The following TLL2 variants were observed in gnomAD, a reference collection of about 807,000 sequenced individuals.
TLL2 encodes tolloid-like protein 2.
In TLL2, 106 loss-of-function variants were observed where a neutral mutation model predicts 123.0. The observed-to-expected ratio is 0.86, with a 90% CI of 0.74 to 1.01. The LOEUF is 1.01. Among genes scored for constraint, TLL2 ranks in the 50% least tolerant of loss-of-function variants. The pLI, the probability that TLL2 is intolerant of heterozygous loss-of-function variation, is 0.00. For missense variants in TLL2, 1,332 were observed against 1,336.7 expected (o/e 1.00, Z 0.06); for synonymous variants, 494 against 516.8 (o/e 0.96, Z 0.60).
intron 1 of TLL2, among the ~76,000 whole-genome samples, chr10:96,499,479 T>TG (rs1847510659): frequency 6.6e-6 from 1 of 152,242 alleles, no homozygotes; most frequent in Non-Finnish European, 1.5e-5. Context: ...TTCTAATTAC[T>TG]GTTCAAATTA....
At chr10:96,406,467 G>T (rs926014785) in intron 9 of TLL2, among the ~76,000 whole-genome samples, 1 of 152,026 alleles carries the variant, frequency 6.6e-6, no homozygotes, top group African/African-American at 2.4e-5. Context: ...GGAGGACTTT[G>T]CTCTCAGCAG....
intron 9 of TLL2, among the ~76,000 whole-genome samples, chr10:96,407,270 T>TC (rs1295428281): frequency 1.3e-5 from 2 of 151,900 alleles, no homozygotes; most frequent in Non-Finnish European, 2.9e-5. Flanking sequence ...TGCTCAAGTG[T>TC]CCCCCTCCTC....
chr10:96,382,699 A>G (rs941704453), intron 16 of TLL2, among the ~76,000 whole-genome samples: 11 of 152,138 alleles, frequency 7.2e-5, no homozygotes, highest in African/African-American at 2.7e-4. Flanking sequence ...GGTGCCTTTC[A>G]CCTTGTTATG....
rs555941180 is a variant in TLL2, at chr10:96,428,830, G to A, written c.521-82C>T. 10 of 963,518 alleles carry A rather than the reference G, an allele frequency of 1.0e-5. No homozygotes were observed. In the South Asian group the frequency reaches 1.5e-4, roughly 15 times the overall value. 59.7% of individuals were successfully genotyped at this position (963,518 alleles called of 1,614,324 possible). On this transcript the variant is annotated intron_variant, in intron 4 of 20. Coordinates refer to ENST00000357947, the MANE Select transcript of TLL2 (RefSeq NM_012465.4). ...GCTTTTTTTTTTCTTTCAAGACGGA[G>A]TTTTGCCTTTGTTGCCCAGGCTGGA...
In TLL2 at chr10:96,419,929, T is replaced by C. The variant is rs546500967; in HGVS notation, c.923+1027A>G. Among the ~76,000 whole-genome samples, 7 of 152,228 alleles carry C rather than the reference T, an allele frequency of 4.6e-5. 1 individual carries two copies. The South Asian group carries it at 1.4e-3, about 32-fold the overall frequency. On this transcript the variant is annotated intron_variant, in intron 7 of 20. Transcript: ENST00000357947. ...GACTGCTAGGAAGCACAGGGCAGGA[T>C]TTGCTGCCAACTCTAACCAAGTGTA...
intron 8 of TLL2, 128 bp from the exon 9 acceptor site, chr10:96,410,602 A>T (rs770660037): frequency 3.2e-5 from 24 of 746,124 alleles, no homozygotes; most frequent in Non-Finnish European, 5.3e-5. Context: ...GTTGGTGAGA[A>T]GTGTAGCAAG....
At position 96,370,343 on chromosome 10, in the gene TLL2, C is replaced by A. The variant is rs895472776; in HGVS notation, c.2663-28G>T. The A allele has an allele frequency of 6.5e-6, 10 of 1,535,882 alleles. No homozygotes were observed. The Admixed American group carries it at 9.7e-5, about 15-fold the overall frequency. ...GGAGCAGAGAGAAGTGAGATGTCCC[C>A]TCAGCACAAGACACCCTCGTGCCTC... is the stretch of plus-strand genomic sequence containing the variant. On this transcript the variant is annotated intron_variant, in intron 19 of 20. Transcript: ENST00000357947.
chr10:96,410,517 C>G, intron 8 of TLL2, 43 bp from the exon 9 acceptor site: 1 of 1,526,056 alleles, frequency 6.6e-7, no homozygotes, highest in South Asian at 1.1e-5. Flanking sequence ...ATATGCACCT[C>G]TCCCCGCCCA....
intron 1 of TLL2, among the ~76,000 whole-genome samples, chr10:96,496,213 C>T (rs1032900137): frequency 6.6e-6 from 1 of 152,176 alleles, no homozygotes; most frequent in Non-Finnish European, 1.5e-5. Flanking sequence ...CTCTCCTGTC[C>T]ATTGAGCCTG....
At chr10:96,496,415 G>C (rs973678002) in intron 1 of TLL2, among the ~76,000 whole-genome samples, 1 of 152,096 alleles carries the variant, frequency 6.6e-6, no homozygotes, top group Non-Finnish European at 1.5e-5. Context: ...GGTCAGTCAG[G>C]ACCTAGGAGA....
At chr10:96,445,540 C>T (rs564704534) in intron 3 of TLL2, among the ~76,000 whole-genome samples, 6 of 152,210 alleles carry the variant, frequency 3.9e-5, no homozygotes, top group Non-Finnish European at 8.8e-5. Context: ...ACACCTCCCC[C>T]ACAATCCCCA....
In TLL2 at chr10:96,410,370, G is replaced by A; in HGVS notation, c.1153C>T (p.Pro385Ser). Residue 385 changes from proline (P) to serine (S), a missense_variant, in exon 9 of 21, where the codon CCA becomes TCA. Pro to Ser is a moderately conservative substitution (Grantham distance 74). Coordinates refer to ENST00000357947, the MANE Select transcript of TLL2 (RefSeq NM_012465.4). Reference protein sequence around the residue: ...SHCVWRISVTPGEKIVLNFTS... With the variant: ...SHCVWRISVTSGEKIVLNFTS... ...GGCTTCCCACCTACCTTTTCCCCTG[G>A]GGTGACCGAGATCCTCCAGACGCAG... 1.2e-6 allele frequency: 2 copies of A among 1,612,956 alleles called. No homozygotes were observed. The highest frequency in any genetic ancestry group is 2.2e-5 in the South Asian group (2 of 91,006).
At chr10:96,465,429 C>T (rs755604651) in intron 2 of TLL2, among the ~76,000 whole-genome samples, 2 of 152,190 alleles carry the variant, frequency 1.3e-5, no homozygotes, top group African/African-American at 2.4e-5. Context: ...TGAGTGTGTC[C>T]TCTGTTTGCC....
chr10:96,500,357 G>C (rs978044707), intron 1 of TLL2, among the ~76,000 whole-genome samples: 1 of 151,990 alleles, frequency 6.6e-6, no homozygotes, highest in South Asian at 2.1e-4. Flanking sequence ...ACTTTTGAAG[G>C]GTTGTTTGAA....
intron 7 of TLL2, among the ~76,000 whole-genome samples, chr10:96,414,173 T>C (rs977136933): frequency 7.2e-5 from 11 of 152,202 alleles, no homozygotes; most frequent in African/African-American, 2.7e-4. Context: ...GCTCTGAGCC[T>C]CCTCTTCTGC....
At chr10:96,498,572 C>A (rs148732135) in intron 1 of TLL2, among the ~76,000 whole-genome samples, 289 of 152,282 alleles carry the variant, frequency 1.9e-3, no homozygotes, top group African/African-American at 6.4e-3. Flanking sequence ...TTTAAGAGAA[C>A]CCCTGATTTT....
chr10:96,407,353 T>C lies in TLL2; in HGVS notation c.1165-2019A>G, dbSNP rs544078536. ...TTGGAACGCCCCACCCTCTGTCTTA[T>C]AATGATTCTAGAGCCGGTGTCTTTA... On this transcript the variant is annotated intron_variant, in intron 9 of 20. Transcript: ENST00000357947. 1.1e-4 allele frequency among the ~76,000 whole-genome samples: 16 copies of C among 152,274 alleles called. No individual in the cohort carries two copies. The South Asian group carries it at 2.3e-3, about 22-fold the overall frequency.
At position 96,384,824 on chromosome 10, in the gene TLL2, C is replaced by T. The variant is rs1846218146; in HGVS notation, c.2014-57G>A. ...AGTCCCTGTCCCCACCCCAGACCCC[C>T]AGCACACTGCTGCACCTGCTTCCTG... On this transcript the variant is annotated intron_variant, in intron 15 of 20. Coordinates refer to ENST00000357947, the MANE Select transcript of TLL2 (RefSeq NM_012465.4). 3.4e-6 allele frequency: 5 copies of T among 1,490,580 alleles called. No individual in the cohort carries two copies. In the Admixed American group the frequency reaches 1.0e-4, roughly 31 times the overall value. The allele number at this position is 1,490,580 out of a possible 1,614,324, so 92.3% of individuals were successfully genotyped here.
intron 10 of TLL2, among the ~76,000 whole-genome samples, chr10:96,403,972 G>A (rs1423610509): frequency 6.7e-6 from 1 of 150,368 alleles, no homozygotes; most frequent in East Asian, 1.9e-4. Flanking sequence ...ACCTTCCCTT[G>A]AACTTAATTA....
Sources: gnomAD v4.1 joint callset for allele counts (sites outside exome capture counted in the v4.1 genomes callset) on GRCh38, gnomAD v4.1.1 for gene constraint, MANE v1.5 for transcripts, NCBI Gene and HGNC (gene_info 2026-07-23, HGNC 2026-07-21) for gene names.